The following OMA1 variants were observed in gnomAD, a reference collection of about 807,000 sequenced individuals.
The protein encoded by OMA1 is metalloendopeptidase OMA1, mitochondrial.
OMA1 carries 38 observed loss-of-function variants against 30.9 expected under a neutral mutation model. The ratio of observed to expected loss-of-function variants is 1.23; its 90% confidence interval spans 0.95 to 1.61. OMA1 has a LOEUF of 1.61. Among genes scored for constraint, OMA1 ranks in the 40% most tolerant of loss-of-function variants. OMA1 has a pLI of 0.00. For synonymous variants in OMA1, 173 were observed against 121.9 expected, an observed-to-expected ratio of 1.42 and a Z score of -2.76; for missense variants, 461 against 349.2, an observed-to-expected ratio of 1.32 and a Z score of -2.55.
chr1:58,532,489 G>A (rs1646448973), intron 5 of OMA1, among the ~76,000 whole-genome samples: 4 of 152,110 alleles, frequency 2.6e-5, no homozygotes, highest in Admixed American at 6.5e-5. Flanking sequence ...CTGCTTAGAC[G>A]TATTCTTGTG....
intron 7 of OMA1, among the ~76,000 whole-genome samples, chr1:58,514,987 G>T (rs1185799173): frequency 6.6e-6 from 1 of 152,054 alleles, no homozygotes; most frequent in Non-Finnish European, 1.5e-5. Flanking sequence ...AATACACTCA[G>T]GACAGTGCCC....
chr1:58,490,912 T>C (rs1407709844), intron 8 of OMA1, among the ~76,000 whole-genome samples: 3 of 144,180 alleles, frequency 2.1e-5, no homozygotes, highest in Non-Finnish European at 3.0e-5. Context: ...TTCACACCAT[T>C]CTCCTGCCTC....
Position 58,531,372 on chromosome 1 carries a change from G to A in OMA1, c.1012-643C>T, listed in dbSNP as rs76560556. 8.4e-3 allele frequency among the ~76,000 whole-genome samples: 1,283 copies of A among 152,150 alleles called. 15 individuals carry two copies. Among genetic ancestry groups the A allele is most frequent in the African/African-American group, 0.029 (1,199 of 41,518 alleles). On this transcript the variant is annotated intron_variant, in intron 5 of 8. Coordinates refer to ENST00000371226, the MANE Select transcript of OMA1 (RefSeq NM_145243.5). ...TGTAAGTCTAGTATTTATCATGAAA[G>A]AATCAGGTTCTATGAATTTTTGTAT...
intron 8 of OMA1, among the ~76,000 whole-genome samples, chr1:58,497,614 GGAA>G (rs56057727): frequency 0.29 from 44,613 of 151,704 alleles, 7,117 homozygotes; most frequent in African/African-American, 0.41. Flanking sequence ...TCTGAAAACA[GGAA>G]GAAGAAGTTA....
At chr1:58,537,116 T>C (rs1226824238) in intron 2 of OMA1, among the ~76,000 whole-genome samples, 1 of 151,920 alleles carries the variant, frequency 6.6e-6, no homozygotes, top group Non-Finnish European at 1.5e-5. Flanking sequence ...TCATTTAATC[T>C]TCATAATAAC....
intron 8 of OMA1, among the ~76,000 whole-genome samples, chr1:58,481,741 T>C (rs1645487235): frequency 3.3e-5 from 5 of 152,134 alleles, no homozygotes. Flanking sequence ...GTGTTTCCCG[T>C]GCTGTTCTCA....
At chr1:58,502,493 T>C (rs1645922146) in intron 8 of OMA1, among the ~76,000 whole-genome samples, 1 of 152,218 alleles carries the variant, frequency 6.6e-6, no homozygotes, top group Admixed American at 6.5e-5. Flanking sequence ...TGCTCTCTAG[T>C]GCTGTATTCT....
intron 7 of OMA1, among the ~76,000 whole-genome samples, chr1:58,511,436 C>G (rs929966758): frequency 5.3e-5 from 8 of 152,000 alleles, no homozygotes; most frequent in African/African-American, 1.9e-4. Flanking sequence ...TTGCTTGAGA[C>G]CAGGAGTCCA....
chr1:58,514,651 G>A (rs961987620), intron 7 of OMA1, among the ~76,000 whole-genome samples: 3 of 152,106 alleles, frequency 2.0e-5, no homozygotes, highest in African/African-American at 7.2e-5. Flanking sequence ...ATAATCATCT[G>A]AGACAATACT....
At chr1:58,495,282 G>A (rs1645779277) in intron 8 of OMA1, among the ~76,000 whole-genome samples, 1 of 152,098 alleles carries the variant, frequency 6.6e-6, no homozygotes. Flanking sequence ...GGTGGGAGGA[G>A]GAGGGAGGGA....
intron 7 of OMA1, among the ~76,000 whole-genome samples, chr1:58,526,430 T>C (rs1646350720): frequency 6.6e-6 from 1 of 152,106 alleles, no homozygotes; most frequent in South Asian, 2.1e-4. Flanking sequence ...TGAAGTGGCA[T>C]TGCTTTCACT....
intron 8 of OMA1, among the ~76,000 whole-genome samples, chr1:58,483,813 G>A (rs1048236035): frequency 2.6e-5 from 4 of 152,172 alleles, no homozygotes; most frequent in South Asian, 2.1e-4. Context: ...TGGGACGTAC[G>A]GTCACTCTTG....
intron 8 of OMA1, among the ~76,000 whole-genome samples, chr1:58,503,755 A>T (rs1645944796): frequency 6.6e-6 from 1 of 152,152 alleles, no homozygotes; most frequent in African/African-American, 2.4e-5. Flanking sequence ...ATTGGATCTA[A>T]GATTTCACAG....
chr1:58,518,455 T>C (rs1646207867), intron 7 of OMA1, among the ~76,000 whole-genome samples: 1 of 151,250 alleles, frequency 6.6e-6, no homozygotes, highest in Admixed American at 6.6e-5. Flanking sequence ...GGGTGGAGAA[T>C]GGAATGGAGG....
intron 7 of OMA1, among the ~76,000 whole-genome samples, chr1:58,517,427 A>G (rs1000804840): frequency 1.3e-5 from 2 of 152,176 alleles, no homozygotes; most frequent in Admixed American, 6.5e-5. Flanking sequence ...ACCTATCAAC[A>G]TCTTCATCAG....
chr1:58,481,323 A>C (rs966276676), intron 8 of OMA1, 149 bp from the exon 9 acceptor site: 11 of 383,972 alleles, frequency 2.9e-5, no homozygotes, highest in African/African-American at 6.2e-5. Flanking sequence ...CACATAAAAG[A>C]GAACCACTGA....
intron 7 of OMA1, among the ~76,000 whole-genome samples, chr1:58,523,613 G>T (rs548399182): frequency 4.6e-5 from 7 of 152,236 alleles, no homozygotes; most frequent in Non-Finnish European, 1.0e-4. Flanking sequence ...AGAACTGGCA[G>T]TCCTGGCCGG....
At chr1:58,514,358 A>G (rs1019440499) in intron 7 of OMA1, among the ~76,000 whole-genome samples, 5 of 152,192 alleles carry the variant, frequency 3.3e-5, no homozygotes, top group African/African-American at 1.2e-4. Context: ...ATACTAGAGA[A>G]ATATGTATAA....
At chr1:58,522,880 C>T (rs1421528095) in intron 7 of OMA1, among the ~76,000 whole-genome samples, 1 of 152,152 alleles carries the variant, frequency 6.6e-6, no homozygotes, top group Non-Finnish European at 1.5e-5. Flanking sequence ...TATCTTCACA[C>T]TGAGTAGACT....
Sources: allele counts gnomAD v4.1 joint callset (sites outside exome capture counted in the v4.1 genomes callset), GRCh38; gene constraint gnomAD v4.1.1; transcripts MANE v1.5; gene names NCBI Gene and HGNC (gene_info 2026-07-23, HGNC 2026-07-21).